Variants in UAP1 observed in about 807,000 individuals in gnomAD.
The protein encoded by UAP1 is UDP-N-acetylglucosamine pyrophosphorylase 1.
UAP1 carries 25 observed loss-of-function variants against 58.5 expected under a neutral mutation model. The observed-to-expected ratio is 0.43, with a 90% CI of 0.31 to 0.60. The LOEUF (loss-of-function observed/expected upper bound fraction) is 0.60, where lower values mean the gene tolerates loss of function less well. Ranked by LOEUF, UAP1 falls within the 20% of genes least tolerant of loss-of-function variation. The pLI is 0.11. For missense variants in UAP1, 575 were observed against 630.0 expected (o/e 0.91, Z 0.93); for synonymous variants, 208 against 213.0 (o/e 0.98, Z 0.21).
chr1:162,589,155 AT>A (rs1655113120), intron 7 of UAP1, among the ~76,000 whole-genome samples: 1 of 90,890 alleles, frequency 1.1e-5, no homozygotes, highest in Non-Finnish European at 2.0e-5. Flanking sequence ...TATAATATAT[AT>A]TATATATAAT....
At chr1:162,576,501 C>T (rs1414545807) in intron 2 of UAP1, among the ~76,000 whole-genome samples, 2 of 152,168 alleles carry the variant, frequency 1.3e-5, no homozygotes, top group African/African-American at 4.8e-5. Context: ...TAGTCATCCA[C>T]GATTCTATGT....
Position 162,582,827 on chromosome 1 carries a change from T to G in UAP1, c.834+1368T>G, listed in dbSNP as rs537616029. 3.7e-4 allele frequency among the ~76,000 whole-genome samples: 57 copies of G among 152,308 alleles called. 1 individual carries two copies. The highest frequency in any genetic ancestry group is 1.1e-3 in the African/African-American group (46 of 41,574). On this transcript the variant is annotated intron_variant, in intron 5 of 10. Coordinates refer to ENST00000271469, the Ensembl canonical transcript of UAP1. Reference sequence around the variant, plus strand: ...TCTAGAAATTTTATGCAAAGTCTCATTGGAAGCCGAAATCTTAAATTTACT... The same window carrying G: ...TCTAGAAATTTTATGCAAAGTCTCAGTGGAAGCCGAAATCTTAAATTTACT...
intron 5 of UAP1, among the ~76,000 whole-genome samples, chr1:162,584,717 A>T (rs547153936): frequency 6.6e-6 from 1 of 152,070 alleles, no homozygotes; most frequent in Non-Finnish European, 1.5e-5. Flanking sequence ...TCCTGGGCTC[A>T]GGTGATCTGC....
At chr1:162,565,936 T>G in intron 1 of UAP1, 76 bp from the exon 2 acceptor site, 1 of 902,044 alleles carries the variant, frequency 1.1e-6, no homozygotes, top group South Asian at 1.8e-5. Context: ...GAAATATTCT[T>G]ATTTTTAGAG....
chr1:162,579,232 G>T (rs187526539), intron 3 of UAP1, among the ~76,000 whole-genome samples, 196 bp from the exon 4 acceptor site: 1 of 152,332 alleles, frequency 6.6e-6, no homozygotes, highest in African/African-American at 2.4e-5. Flanking sequence ...ATACGTAAGA[G>T]TTGATGAAAT....
chr1:162,582,679 C>G (rs1365942276), intron 5 of UAP1, among the ~76,000 whole-genome samples: 2 of 152,226 alleles, frequency 1.3e-5, no homozygotes, highest in East Asian at 3.9e-4. Flanking sequence ...AAAAGGAAGA[C>G]CTTTCTACTG....
Position 162,581,474 on chromosome 1 carries a change from A to G in UAP1, c.834+15A>G. 1 of 1,608,728 alleles carries G rather than the reference A, an allele frequency of 6.2e-7. No homozygotes were observed. Among genetic ancestry groups the G allele is most frequent in the Non-Finnish European group, 8.5e-7 (1 of 1,176,868 alleles). ...GTGGAGCAAAGGTAATGCCTTTCTC[A>G]ACTATGGTGAGGCTTTTGATGGTCT... On this transcript the variant is annotated intron_variant, in intron 5 of 10. Coordinates refer to ENST00000271469, the Ensembl canonical transcript of UAP1.
chr1:162,600,857 G>T (rs1000402014), downstream of UAP1, among the ~76,000 whole-genome samples: 4 of 152,142 alleles, frequency 2.6e-5, no homozygotes, highest in African/African-American at 4.8e-5. Context: ...TGTAAGAATG[G>T]AATTGCAGAG....
chr1:162,589,199 T>TAAAA (rs1435889675), intron 7 of UAP1, among the ~76,000 whole-genome samples: 2 of 55,268 alleles, frequency 3.6e-5, no homozygotes, highest in African/African-American at 1.1e-4. Context: ...ATATTATATA[T>TAAAA]TATATTTAAA....
At chr1:162,566,329 C>T (rs763253168) in exon 2 of UAP1, 13 of 1,613,478 alleles carry the variant, frequency 8.1e-6, no homozygotes, top group Non-Finnish European at 1.1e-5. Context: ...AAGATCAGCT[C>T]CAGGCCTGGG....
At chr1:162,590,442 A>G in exon 8 of UAP1, 1 of 1,613,164 alleles carries the variant, frequency 6.2e-7, no homozygotes, top group Non-Finnish European at 8.5e-7. Flanking sequence ...TCCCTTCATC[A>G]TTGCTGGGTC....
At chr1:162,564,298 C>A (rs969849194) in intron 1 of UAP1, among the ~76,000 whole-genome samples, 2 of 152,072 alleles carry the variant, frequency 1.3e-5, no homozygotes, top group East Asian at 3.8e-4. Context: ...GAGGTAGATA[C>A]TATTATTAAT....
intron 4 of UAP1, among the ~76,000 whole-genome samples, chr1:162,580,746 A>C (rs564921386): frequency 6.6e-6 from 1 of 152,370 alleles, no homozygotes; most frequent in South Asian, 2.1e-4. Context: ...TGGACAAAGT[A>C]CATTAAAGCA....
At chr1:162,582,459 T>A (rs1411281403) in intron 5 of UAP1, among the ~76,000 whole-genome samples, 3 of 152,226 alleles carry the variant, frequency 2.0e-5, no homozygotes, top group Non-Finnish European at 4.4e-5. Flanking sequence ...GAAACACATC[T>A]GTGTATGTAT....
At chr1:162,575,567 G>A (rs1306496166) in intron 2 of UAP1, among the ~76,000 whole-genome samples, 1 of 151,150 alleles carries the variant, frequency 6.6e-6, no homozygotes, top group Admixed American at 6.6e-5. Context: ...GAGTAGCTGG[G>A]ATTACAGGCA....
chr1:162,601,225 T>G (rs1655881562), downstream of UAP1, among the ~76,000 whole-genome samples: 1 of 152,196 alleles, frequency 6.6e-6, no homozygotes, highest in Non-Finnish European at 1.5e-5. Flanking sequence ...GCTAGAATAA[T>G]TTGGCAGTAA....
At chr1:162,600,516 A>C (rs74729983), downstream of UAP1, among the ~76,000 whole-genome samples, 1,591 of 152,314 alleles carry the variant, frequency 0.01, 22 homozygotes, top group African/African-American at 0.036. Flanking sequence ...CAAAAGTATA[A>C]AAAGGAACAT....
chr1:162,599,263 CT>C lies in UAP1; in HGVS notation c.1477-3del, dbSNP rs1314427143. ...TCTAATTGTGTTTCATTTCAATCCTCTTTTTAGGGATTAGAAAGTTATGTGG... is the reference window on the plus strand; with the variant it reads ...TCTAATTGTGTTTCATTTCAATCCTCTTTTAGGGATTAGAAAGTTATGTGG... On this transcript the variant is annotated splice_polypyrimidine_tract_variant and splice_region_variant and intron_variant, in intron 10 of 10. Coordinates refer to ENST00000271469, the Ensembl canonical transcript of UAP1. The C allele has an allele frequency of 6.3e-7, 1 of 1,599,088 alleles. No individual in the cohort carries two copies. The highest frequency in any genetic ancestry group is 8.6e-7 in the Non-Finnish European group (1 of 1,167,408).
At chr1:162,597,664 T>G in intron 9 of UAP1, 128 bp from the exon 10 acceptor site, 1 of 697,818 alleles carries the variant, frequency 1.4e-6, no homozygotes, top group Non-Finnish European at 2.5e-6. Context: ...CAGGGTAGCA[T>G]CTATTCCATT....
Sources: allele counts gnomAD v4.1 joint callset (sites outside exome capture counted in the v4.1 genomes callset), GRCh38; gene constraint gnomAD v4.1.1; transcripts MANE v1.5; gene names NCBI Gene and HGNC (gene_info 2026-07-23, HGNC 2026-07-21).